FBXO25: variants seen among roughly 807,000 people sequenced by gnomAD.
FBXO25 encodes F-box only protein 25.
In FBXO25, 45 loss-of-function variants were observed where a neutral mutation model predicts 51.9. That is an observed-to-expected ratio of 0.87 (90% CI 0.68 to 1.11). The LOEUF is 1.11. Among genes scored for constraint, FBXO25 ranks in the 50% most tolerant of loss-of-function variants. FBXO25 has a pLI of 0.00. For missense variants in FBXO25, 507 were observed against 428.5 expected (o/e 1.18, Z -1.62); for synonymous variants, 199 against 151.0 (o/e 1.32, Z -2.33).
intron 9 of FBXO25, chr8:467,855 C>A: frequency 6.3e-7 from 1 of 1,588,390 alleles, no homozygotes; most frequent in Non-Finnish European, 8.6e-7. Flanking sequence ...CCAGCTCTCG[C>A]TGACTTGAGC....
intron 5 of FBXO25, among the ~76,000 whole-genome samples, chr8:442,937 AC>A (rs1052442732): frequency 7.9e-5 from 12 of 152,156 alleles, no homozygotes; most frequent in African/African-American, 2.7e-4. Flanking sequence ...TCCTATAATT[AC>A]CCCCATAAAA....
At chr8:427,231 C>G (rs149561154) in intron 2 of FBXO25, among the ~76,000 whole-genome samples, 1,965 of 148,584 alleles carry the variant, frequency 0.013, 6 homozygotes, top group African/African-American at 0.044. Flanking sequence ...CCAAAATGTC[C>G]TCCAGCTCCT....
chr8:423,783 A>T (rs1476287842), intron 2 of FBXO25, among the ~76,000 whole-genome samples: 1 of 152,110 alleles, frequency 6.6e-6, no homozygotes, highest in East Asian at 1.9e-4. Flanking sequence ...TGGTAGAATG[A>T]TTTATTTTCT....
chr8:455,624 C>T (rs1339254502), intron 7 of FBXO25, among the ~76,000 whole-genome samples: 4 of 152,154 alleles, frequency 2.6e-5, no homozygotes, highest in Non-Finnish European at 5.9e-5. Context: ...ACACAAGTTT[C>T]TGTTAGCAGA....
chr8:464,830 A>G (rs554278445), intron 9 of FBXO25, among the ~76,000 whole-genome samples: 3 of 152,170 alleles, frequency 2.0e-5, no homozygotes, highest in Non-Finnish European at 2.9e-5. Flanking sequence ...TTATTGTTTT[A>G]TATTTTGGTA....
rs1177412114 is a variant in FBXO25, at chr8:472,759, G to T, written c.*3955G>T. 6.6e-6 allele frequency: 1 copy of T among 152,120 alleles called. No homozygotes were observed. The highest frequency in any genetic ancestry group is 1.5e-5 in the Non-Finnish European group (1 of 68,012). The allele number at this position is 152,120 out of a possible 1,614,324, so 9.4% of individuals were successfully genotyped here. ...TTTTAATGGTTTTTCTTTTCATTGC[G>T]AAGGCCTAACTTAGTAGATAAGTGG... On this transcript the variant is annotated 3_prime_UTR_variant, in exon 10 of 10. Coordinates refer to ENST00000350302, the MANE Select transcript of FBXO25 (RefSeq NM_183420.2).
chr8:440,662 C>G (rs551245457), intron 5 of FBXO25, among the ~76,000 whole-genome samples: 8 of 152,106 alleles, frequency 5.3e-5, no homozygotes, highest in Non-Finnish European at 1.0e-4. Flanking sequence ...TAGGTATACA[C>G]ATGCCATGGT....
chr8:413,000 A>G, intron 1 of FBXO25, 73 bp from the exon 2 acceptor site: 1 of 1,030,666 alleles, frequency 9.7e-7, no homozygotes, highest in Non-Finnish European at 1.3e-6. Flanking sequence ...CTTTAAAATT[A>G]ATAAATGTTC....
chr8:459,914 G>T (rs1799698043), intron 8 of FBXO25, among the ~76,000 whole-genome samples: 1 of 152,196 alleles, frequency 6.6e-6, no homozygotes, highest in East Asian at 1.9e-4. Flanking sequence ...CCGAGCAGAG[G>T]TTATGGATGC....
intron 9 of FBXO25, chr8:468,087 C>A: frequency 9.1e-7 from 1 of 1,103,686 alleles, no homozygotes. Flanking sequence ...GTCCCGTTTA[C>A]CTGCGTTCCT....
chr8:425,796 G>T (rs1797437378), intron 2 of FBXO25, among the ~76,000 whole-genome samples: 1 of 151,566 alleles, frequency 6.6e-6, no homozygotes, highest in Non-Finnish European at 1.5e-5. Flanking sequence ...TAATAGGTGA[G>T]CCAAGTCCAT....
In FBXO25 at chr8:463,525, C is replaced by T. The variant is rs547197470; in HGVS notation, c.987+375C>T. 2.0e-5 allele frequency among the ~76,000 whole-genome samples: 3 copies of T among 152,312 alleles called. No homozygotes were observed. The East Asian group carries it at 5.8e-4, about 29-fold the overall frequency. ...GAGGACAAGTGCACCTTCCTCGTTT[C>T]CCCAGACTTAGCCCTCGGCCCTTTA... is the stretch of plus-strand genomic sequence containing the variant. On this transcript the variant is annotated intron_variant, in intron 9 of 9. Coordinates refer to ENST00000350302, the MANE Select transcript of FBXO25 (RefSeq NM_183420.2).
intron 3 of FBXO25, 108 bp downstream of exon 3, chr8:431,552 A>T: frequency 1.7e-6 from 1 of 589,530 alleles, no homozygotes; most frequent in Non-Finnish European, 2.9e-6. Flanking sequence ...ATATGTAAAT[A>T]ACAGCCCAGT....
intron 6 of FBXO25, 101 bp from the exon 7 acceptor site, chr8:451,168 T>C: frequency 3.2e-6 from 3 of 939,540 alleles, no homozygotes; most frequent in Non-Finnish European, 4.7e-6. Context: ...ACGTTGTTTG[T>C]CTGTTCGTCT....
chr8:466,880 G>A (rs543199785), intron 9 of FBXO25, among the ~76,000 whole-genome samples: 1 of 152,290 alleles, frequency 6.6e-6, no homozygotes, highest in African/African-American at 2.4e-5. Flanking sequence ...GAGGGGTGGC[G>A]TTACCTCCCG....
intron 7 of FBXO25, among the ~76,000 whole-genome samples, chr8:453,902 T>A (rs1799254260): frequency 6.6e-6 from 1 of 152,074 alleles, no homozygotes; most frequent in African/African-American, 2.4e-5. Context: ...GTCAGGTGGA[T>A]CACCTGAGGT....
chr8:468,131 A>T, intron 9 of FBXO25: 2 of 1,043,110 alleles, frequency 1.9e-6, no homozygotes, highest in Admixed American at 5.3e-5. Flanking sequence ...CCACAAAATT[A>T]ATTTTTCTGT....
chr8:413,023 A>T, intron 1 of FBXO25, 50 bp from the exon 2 acceptor site: 1 of 1,294,038 alleles, frequency 7.7e-7, no homozygotes, highest in Non-Finnish European at 1.0e-6. Context: ...AGTGAAAAGA[A>T]ACTTTTATGA....
chr8:437,508 T>G (rs1798170748), intron 5 of FBXO25, among the ~76,000 whole-genome samples: 2 of 152,250 alleles, frequency 1.3e-5, no homozygotes, highest in Non-Finnish European at 2.9e-5. Context: ...GAAGTCGCTC[T>G]GGACCTTGCA....
Sources: allele counts gnomAD v4.1 joint callset (sites outside exome capture counted in the v4.1 genomes callset), GRCh38; gene constraint gnomAD v4.1.1; transcripts MANE v1.5; gene names NCBI Gene and HGNC (gene_info 2026-07-23, HGNC 2026-07-21).